The following CLDN10 variants were observed in gnomAD, a reference collection of about 807,000 sequenced individuals.
CLDN10 encodes claudin 10, also known as claudin-10.
Under a neutral mutation model 22.9 loss-of-function variants are expected in CLDN10, and 15 were observed. The observed-to-expected ratio is 0.65, with a 90% CI of 0.44 to 1.01. The LOEUF (loss-of-function observed/expected upper bound fraction) is 1.01. CLDN10 is among the 50% of genes least tolerant of loss of function. The probability of loss-of-function intolerance (pLI) is 0.00; values close to 1 mark genes in which losing one functional copy is unlikely to be tolerated. For missense variants in CLDN10, 247 were observed against 287.8 expected (o/e 0.86, Z 1.03); for synonymous variants, 114 against 111.4 (o/e 1.02, Z -0.15).
At chr13:95,546,098 A>T (rs1257308654) in intron 1 of CLDN10, among the ~76,000 whole-genome samples, 1 of 152,250 alleles carries the variant, frequency 6.6e-6, no homozygotes, top group Non-Finnish European at 1.5e-5. Context: ...TGAAGTAAGG[A>T]AACTAGGTAC....
intron 1 of CLDN10, among the ~76,000 whole-genome samples, chr13:95,492,864 T>C (rs1312688103): frequency 1.3e-5 from 2 of 152,172 alleles, no homozygotes; most frequent in Non-Finnish European, 2.9e-5. Context: ...TCTACCCTTG[T>C]ATTTTGCTCG....
intron 1 of CLDN10, among the ~76,000 whole-genome samples, chr13:95,460,841 G>A (rs558126913): frequency 1.3e-5 from 2 of 152,208 alleles, no homozygotes; most frequent in South Asian, 2.1e-4. Context: ...GGGTGCGGTG[G>A]CTCACACCTG....
intron 1 of CLDN10, among the ~76,000 whole-genome samples, chr13:95,490,964 G>C (rs750076304): frequency 6.6e-6 from 1 of 152,098 alleles, no homozygotes; most frequent in Non-Finnish European, 1.5e-5. Context: ...ATATGTTTAG[G>C]ATTGTGATAG....
intron 1 of CLDN10, among the ~76,000 whole-genome samples, chr13:95,484,969 A>C (rs2042790095): frequency 6.6e-6 from 1 of 150,976 alleles, no homozygotes; most frequent in Admixed American, 6.6e-5. Context: ...ACTTCACCCC[A>C]CTGGTGAGGG....
intron 1 of CLDN10, among the ~76,000 whole-genome samples, chr13:95,461,815 T>C (rs2042539150): frequency 6.6e-6 from 1 of 152,152 alleles, no homozygotes; most frequent in South Asian, 2.1e-4. Flanking sequence ...CACTTGATCA[T>C]GCACAGTGGC....
intron 1 of CLDN10, among the ~76,000 whole-genome samples, chr13:95,484,394 A>G (rs1249223914): frequency 1.3e-5 from 2 of 152,202 alleles, no homozygotes; most frequent in Non-Finnish European, 1.5e-5. Context: ...TGTAGAATCT[A>G]TCCTAAACAC....
rs1374117068 is a variant in CLDN10 at position 95,579,181 on chromosome 13, C to CCTCA, written c.*1172_*1175dup. ...ACATCCCAAGCCCAAGTGGTACGTG[C>CCTCA]CTCACTCAGAACTGACGGGCCGAGT... On this transcript the variant is annotated 3_prime_UTR_variant, in exon 5 of 5. Transcript: ENST00000299339. 2 of 152,150 alleles carry CCTCA rather than the reference C, an allele frequency of 1.3e-5. No individual in the cohort carries two copies. The highest frequency in any genetic ancestry group is 2.4e-5 in the African/African-American group (1 of 41,428). 9.4% of individuals were successfully genotyped at this position (152,150 alleles called of 1,614,324 possible). A position where few individuals can be genotyped will look rare whatever the true frequency, so the allele number is the denominator to read the frequency against.
intron 1 of CLDN10, among the ~76,000 whole-genome samples, chr13:95,474,016 T>C (rs555810888): frequency 6.6e-6 from 1 of 152,316 alleles, no homozygotes; most frequent in African/African-American, 2.4e-5. Flanking sequence ...GGTCGCAGGG[T>C]AGTTTCAGGA....
chr13:95,451,582 C>T (rs1474744885), intron 1 of CLDN10, among the ~76,000 whole-genome samples: 2 of 152,216 alleles, frequency 1.3e-5, no homozygotes, highest in African/African-American at 4.8e-5. Context: ...AGGTGCAAGC[C>T]TCCATGCACA....
intron 3 of CLDN10, among the ~76,000 whole-genome samples, chr13:95,572,381 A>G (rs2043875169): frequency 6.6e-6 from 1 of 152,182 alleles, no homozygotes; most frequent in Admixed American, 6.5e-5. Flanking sequence ...TATGGGTTTT[A>G]AATCCTGGGT....
chr13:95,563,885 C>G (rs1252303896), intron 3 of CLDN10, among the ~76,000 whole-genome samples: 1 of 152,208 alleles, frequency 6.6e-6, no homozygotes, highest in African/African-American at 2.4e-5. Context: ...GATGAATAAG[C>G]TATAAATTGG....
intron 1 of CLDN10, among the ~76,000 whole-genome samples, chr13:95,558,050 T>C (rs1302551809): frequency 6.6e-6 from 1 of 152,226 alleles, no homozygotes; most frequent in Non-Finnish European, 1.5e-5. Flanking sequence ...TGGGAGTATA[T>C]ATAAATGGAT....
intron 1 of CLDN10, among the ~76,000 whole-genome samples, chr13:95,459,062 A>G (rs2042509686): frequency 6.6e-6 from 1 of 152,072 alleles, no homozygotes. Context: ...GCTCCAAAAT[A>G]TCTCCTTTGA....
chr13:95,468,976 AT>A, intron 1 of CLDN10, among the ~76,000 whole-genome samples: 1 of 152,230 alleles, frequency 6.6e-6, no homozygotes, highest in South Asian at 2.1e-4. Context: ...AATGTAATTT[AT>A]TTTTCTACTA....
chr13:95,489,413 G>C (rs887241184), intron 1 of CLDN10, among the ~76,000 whole-genome samples: 2 of 151,906 alleles, frequency 1.3e-5, no homozygotes, highest in Non-Finnish European at 2.9e-5. Flanking sequence ...TTTGATAATG[G>C]CCATTCTTGC....
At chr13:95,434,478 AAC>A (rs55653913) in intron 1 of CLDN10, among the ~76,000 whole-genome samples, 154 of 145,596 alleles carry the variant, frequency 1.1e-3, no homozygotes, top group African/African-American at 1.9e-3. Context: ...TACACCCACA[AAC>A]ACACACACAC....
intron 1 of CLDN10, among the ~76,000 whole-genome samples, chr13:95,488,213 G>C (rs868259919): frequency 7.1e-6 from 1 of 141,816 alleles, no homozygotes; most frequent in Non-Finnish European, 1.5e-5. Flanking sequence ...TCAAACTCTT[G>C]ACCTGGGTGA....
At chr13:95,511,973 A>G (rs1483081405) in intron 1 of CLDN10, among the ~76,000 whole-genome samples, 2 of 136,060 alleles carry the variant, frequency 1.5e-5, no homozygotes, top group Admixed American at 7.6e-5. Context: ...AACATTAGGT[A>G]TATCTCCTAA....
At chr13:95,452,299 G>T (rs2042439271) in intron 1 of CLDN10, among the ~76,000 whole-genome samples, 1 of 152,090 alleles carries the variant, frequency 6.6e-6, no homozygotes, top group Non-Finnish European at 1.5e-5. Flanking sequence ...GTTCCCTTTG[G>T]GTAGTAAGAA....
Sources: gnomAD v4.1 joint callset for allele counts (sites outside exome capture counted in the v4.1 genomes callset) on GRCh38, gnomAD v4.1.1 for gene constraint, MANE v1.5 for transcripts, NCBI Gene and HGNC (gene_info 2026-07-23, HGNC 2026-07-21) for gene names.